Variants in HERC2 observed in about 807,000 individuals in gnomAD.
HERC2 encodes E3 ubiquitin-protein ligase HERC2.
Under a neutral mutation model 537.7 loss-of-function variants are expected in HERC2, and 102 were observed. The ratio of observed to expected loss-of-function variants is 0.19; its 90% CI spans 0.16 to 0.22. The LOEUF (loss-of-function observed/expected upper bound fraction) is 0.22, where lower values mean the gene tolerates loss of function less well. Ranked by LOEUF, HERC2 falls within the 10% of genes least tolerant of loss-of-function variation. The pLI is 1.00. For synonymous variants in HERC2, 2,224 were observed against 2,466.2 expected (o/e 0.90, Z 2.91); for missense variants, 4,236 against 6,198.2 (o/e 0.68, Z 10.63).
chr15:28,216,643 C>A (rs1899935521), intron 38 of HERC2, among the ~76,000 whole-genome samples: 1 of 151,112 alleles, frequency 6.6e-6, no homozygotes, highest in Admixed American at 6.6e-5. Context: ...CTCACTCTCA[C>A]ACCCTCATAT....
At chr15:28,310,128 G>A (rs922185763) in intron 2 of HERC2, among the ~76,000 whole-genome samples, 5 of 152,174 alleles carry the variant, frequency 3.3e-5, no homozygotes, top group Non-Finnish European at 7.3e-5. Context: ...AACATAGCAA[G>A]ACCGTCTCTA....
intron 44 of HERC2, among the ~76,000 whole-genome samples, chr15:28,206,916 CAGG>C (rs1267565432): frequency 6.7e-6 from 1 of 149,346 alleles, no homozygotes. Context: ...AAGGCTGAGG[CAGG>C]AGAATTGCTT....
At chr15:28,288,776 T>TG (rs1267144105) in intron 4 of HERC2, among the ~76,000 whole-genome samples, 1 of 142,880 alleles carries the variant, frequency 7.0e-6, no homozygotes, top group African/African-American at 2.6e-5. Context: ...TGAACCCACG[T>TG]GGGGGAGGTT....
At chr15:28,119,399 CAAAAAAAA>C (rs201078187) in intron 86 of HERC2, among the ~76,000 whole-genome samples, 1 of 133,928 alleles carries the variant, frequency 7.5e-6, no homozygotes, top group African/African-American at 3.5e-5. Flanking sequence ...GACTCCCTCT[CAAAAAAAA>C]AAAAAAAAAA....
intron 7 of HERC2, among the ~76,000 whole-genome samples, chr15:28,273,527 T>C (rs1267690600): frequency 6.6e-6 from 1 of 152,208 alleles, no homozygotes; most frequent in African/African-American, 2.4e-5. Flanking sequence ...GAAAGGATCT[T>C]ATGGTATCAA....
intron 31 of HERC2, 97 bp from the exon 32 acceptor site, chr15:28,229,944 G>A (rs1334180453): frequency 1.0e-5 from 9 of 863,198 alleles, no homozygotes; most frequent in Admixed American, 2.2e-5. Context: ...AATGCTCATA[G>A]GTTTAAATTG....
At chr15:28,301,132 T>C (rs1366061299) in intron 2 of HERC2, among the ~76,000 whole-genome samples, 2 of 151,730 alleles carry the variant, frequency 1.3e-5, no homozygotes, top group African/African-American at 2.4e-5. Context: ...TCCTCAAACA[T>C]GGCCAGGTGC....
rs1296231777 is a variant in HERC2, at chr15:28,248,481, G to C, written c.3235+71C>G. On this transcript the variant is annotated intron_variant, in intron 21 of 92. Coordinates refer to ENST00000261609, the MANE Select transcript of HERC2 (RefSeq NM_004667.6). ...ACTACACATCTGGGCATATAGGATG[G>C]ACACGTCGAAAAGCCTAAAGTAACG... 4.4e-6 allele frequency: 5 copies of C among 1,142,248 alleles called. No individual in the cohort carries two copies. The Admixed American group carries it at 9.3e-5, about 21-fold the overall frequency. The allele number at this position is 1,142,248 out of a possible 1,614,324, so 70.8% of individuals were successfully genotyped here. A position where few individuals can be genotyped will look rare whatever the true frequency, so the allele number is the denominator to read the frequency against.
rs565775419 is a variant in HERC2 at position 28,171,882 on chromosome 15, G to A, written c.10058-2227C>T. Among the ~76,000 whole-genome samples, 36 of 152,148 alleles carry A rather than the reference G, an allele frequency of 2.4e-4. No individual in the cohort carries two copies. The South Asian group carries it at 7.1e-3, about 30-fold the overall frequency. Reference sequence around the variant, plus strand: ...GAGGTCAGGAGATCGATTCTGTCCTGGCTAACACGGTGAAACCCCGTCTCT... The same window carrying A: ...GAGGTCAGGAGATCGATTCTGTCCTAGCTAACACGGTGAAACCCCGTCTCT... On this transcript the variant is annotated intron_variant, in intron 65 of 92. Transcript: ENST00000261609.
chr15:28,210,986 C>A lies in HERC2; in HGVS notation c.7069+16G>T, dbSNP rs560358810. 5.7e-5 allele frequency: 70 copies of A among 1,230,044 alleles called. No individual in the cohort carries two copies. In the South Asian group the frequency reaches 8.1e-4, roughly 14 times the overall value. The allele number at this position is 1,230,044 out of a possible 1,614,324, so 76.2% of individuals were successfully genotyped here. A position where few individuals can be genotyped will look rare whatever the true frequency, so the allele number is the denominator to read the frequency against. On this transcript the variant is annotated intron_variant, in intron 44 of 92. Coordinates refer to ENST00000261609, the MANE Select transcript of HERC2 (RefSeq NM_004667.6). ...TGCCCTTCTTATAAAGATTTAAGAA[C>A]TTTTTAAAAAGACACCTGTGTGAAC...
intron 24 of HERC2, 79 bp downstream of exon 24, chr15:28,238,523 A>C: frequency 8.2e-7 from 1 of 1,219,148 alleles, no homozygotes; most frequent in Non-Finnish European, 1.2e-6. Context: ...AACTAAAGAA[A>C]TCATTTATAA....
At chr15:28,227,657 A>G (rs1452743818) in intron 35 of HERC2, among the ~76,000 whole-genome samples, 1 of 152,184 alleles carries the variant, frequency 6.6e-6, no homozygotes. Flanking sequence ...GTATAATCAA[A>G]AGAACTAGAA....
rs528430301 is a variant in HERC2 at position 28,268,792 on chromosome 15, C to T, written c.1447-176G>A. Reference sequence around the variant, plus strand: ...CCCTTCCCACCCAGCAGCAACAGAACAGCGGGCAGCCTCCAAGTGCTCTGC... The same window carrying T: ...CCCTTCCCACCCAGCAGCAACAGAATAGCGGGCAGCCTCCAAGTGCTCTGC... On this transcript the variant is annotated intron_variant, in intron 11 of 92. Coordinates refer to ENST00000261609, the MANE Select transcript of HERC2 (RefSeq NM_004667.6). The surrounding 1 kb of genome is among the most constrained non-coding windows in gnomAD (Gnocchi z 4.7). Among the ~76,000 whole-genome samples the T allele has an allele frequency of 4.9e-4, 75 of 152,334 alleles. No homozygotes were observed. Among genetic ancestry groups the T allele is most frequent in the African/African-American group, 1.6e-3 (68 of 41,580 alleles).
At chr15:28,210,914 G>A (rs1899137415) in intron 44 of HERC2, 88 bp downstream of exon 44, 7 of 1,064,030 alleles carry the variant, frequency 6.6e-6, no homozygotes, top group Admixed American at 1.7e-5. Flanking sequence ...AGCCACCTAT[G>A]TCCATTTTTA....
rs529628117 is a variant in HERC2 at position 28,121,443 on chromosome 15, A to G, written c.13189-14T>C. On this transcript the variant is annotated splice_polypyrimidine_tract_variant and intron_variant, in intron 85 of 92. Transcript: ENST00000261609. ...GAAAGCCGCCTCCTAAAACACATCA[A>G]ACAGACAAAATTTAGAATCTGATAT... The G allele has an allele frequency of 6.2e-7, 1 of 1,601,618 alleles. No individual in the cohort carries two copies. The highest frequency in any genetic ancestry group is 2.2e-5 in the East Asian group (1 of 44,794).
At position 28,260,899 on chromosome 15, in the gene HERC2, T is replaced by C; in HGVS notation, c.2194A>G (p.Ser732Gly). The C allele has an allele frequency of 6.2e-7, 1 of 1,614,236 alleles. No individual in the cohort carries two copies. Reference protein sequence around the residue: ...LALTEDSEVHSWGSNDQCQHF... With the variant: ...LALTEDSEVHGWGSNDQCQHF... ...TGGCACTGGTCGTTGCTCCCCCAGCTGTGGACCTCGCTGTCCTCAGTCAGA... is the reference window on the plus strand; with the variant it reads ...TGGCACTGGTCGTTGCTCCCCCAGCCGTGGACCTCGCTGTCCTCAGTCAGA... The change falls in exon 16 of 93, where the codon AGC becomes GGC. Residue 732 changes from serine (S) to glycine (G), a missense_variant. By Grantham distance (56) the Ser-to-Gly change is moderately conservative. Coordinates refer to ENST00000261609, the MANE Select transcript of HERC2 (RefSeq NM_004667.6).
At chr15:28,146,186 T>C in intron 71 of HERC2, 51 bp downstream of exon 71, 1 of 1,236,258 alleles carries the variant, frequency 8.1e-7, no homozygotes, top group Non-Finnish European at 1.2e-6. Context: ...GGGTTGTGTC[T>C]ACGGAGACAC....
At position 28,272,899 on chromosome 15, in the gene HERC2, C is replaced by T. The variant is rs773790248; in HGVS notation, c.906G>A (p.Thr302=). The change falls in exon 8 of 93, where the codon ACG becomes ACA. Residue 302 remains threonine (T), a synonymous_variant. Coordinates refer to ENST00000261609, the MANE Select transcript of HERC2 (RefSeq NM_004667.6). The part of the protein sequence containing the change: ...ILLELAVQRG[T]LSQMLSAILL... The stretch of plus-strand genomic sequence containing the variant: ...CCGTCTGCGGCAGCCCTCACCTCAG[C>T]GTGCCTCTCTGCACAGCCAGCTCCA... 5 of 1,608,554 alleles carry T rather than the reference C, an allele frequency of 3.1e-6. No homozygotes were observed. Among genetic ancestry groups the T allele is most frequent in the East Asian group, 2.2e-5 (1 of 44,868 alleles).
chr15:28,124,422 A>C (rs756940494), intron 84 of HERC2, among the ~76,000 whole-genome samples, 188 bp from the exon 85 acceptor site: 1 of 152,256 alleles, frequency 6.6e-6, no homozygotes, highest in Non-Finnish European at 1.5e-5. Flanking sequence ...ACTGTAAAAA[A>C]AATTAGTCTA....
Sources: gnomAD v4.1 joint callset for allele counts (sites outside exome capture counted in the v4.1 genomes callset) on GRCh38, gnomAD v4.1.1 for gene constraint, Gnocchi (gnomAD v3.1) non-coding constraint, MANE v1.5 for transcripts, NCBI Gene and HGNC (gene_info 2026-07-23, HGNC 2026-07-21) for gene names.